LSAMP: variants seen among roughly 807,000 people sequenced by gnomAD.
LSAMP encodes the protein limbic system associated membrane protein, also known as limbic system-associated membrane protein.
A neutral mutation model predicts 38.6 loss-of-function variants in LSAMP; 7 were observed. The ratio of observed to expected loss-of-function variants is 0.18; its 90% CI spans 0.10 to 0.34. The LOEUF (loss-of-function observed/expected upper bound fraction) is 0.34, where lower values mean the gene tolerates loss of function less well. Among genes scored for constraint, LSAMP ranks in the 10% least tolerant of loss-of-function variants. LSAMP has a pLI of 1.00. For missense variants in LSAMP, 313 were observed against 420.0 expected (o/e 0.75, Z 2.23); for synonymous variants, 154 against 166.8 (o/e 0.92, Z 0.59).
At chr3:116,061,807 G>T (rs1941599505) in intron 2 of LSAMP, among the ~76,000 whole-genome samples, 1 of 152,080 alleles carries the variant, frequency 6.6e-6, no homozygotes, top group Non-Finnish European at 1.5e-5. Context: ...CATCTAGGAG[G>T]CAAATAGATA....
At chr3:115,932,574 G>C (rs1256364662) in intron 3 of LSAMP, among the ~76,000 whole-genome samples, 2 of 152,142 alleles carry the variant, frequency 1.3e-5, no homozygotes, top group Non-Finnish European at 2.9e-5. Context: ...TAAAGCTAAA[G>C]CTGAAAAGAT....
chr3:116,125,391 GT>G (rs371091331), intron 1 of LSAMP, among the ~76,000 whole-genome samples: 1,312 of 90,368 alleles, frequency 0.015, 18 homozygotes, highest in African/African-American at 0.051. Context: ...TTCCTTCATT[GT>G]TTTTTTTTTC....
At chr3:115,943,089 G>A (rs1262294628) in intron 3 of LSAMP, among the ~76,000 whole-genome samples, 1 of 152,150 alleles carries the variant, frequency 6.6e-6, no homozygotes, top group African/African-American at 2.4e-5. Context: ...TAAAAGATGA[G>A]CATTTATGAG....
intron 1 of LSAMP, among the ~76,000 whole-genome samples, chr3:116,157,801 A>C (rs938656267): frequency 2.0e-5 from 3 of 152,042 alleles, no homozygotes; most frequent in Non-Finnish European, 2.9e-5. Flanking sequence ...CACCATTCCT[A>C]CTGAAACTAT....
intron 6 of LSAMP, among the ~76,000 whole-genome samples, chr3:115,838,646 C>T (rs149279799): frequency 6.6e-5 from 10 of 152,074 alleles, no homozygotes; most frequent in African/African-American, 1.9e-4. Flanking sequence ...TTGACAAACA[C>T]GGTGCTAGAA....
At chr3:116,319,337 C>T (rs538114504) in intron 1 of LSAMP, among the ~76,000 whole-genome samples, 87 of 152,234 alleles carry the variant, frequency 5.7e-4, no homozygotes, top group African/African-American at 2.0e-3. Context: ...AGTTTCACTA[C>T]GTCAGGCATC....
At chr3:116,269,191 T>C (rs2107667815) in intron 1 of LSAMP, among the ~76,000 whole-genome samples, 1 of 152,226 alleles carries the variant, frequency 6.6e-6, no homozygotes, top group South Asian at 2.1e-4. Flanking sequence ...AGTGAAAGAA[T>C]TTAATAGCAA....
At chr3:116,230,909 C>A (rs2046396090) in intron 1 of LSAMP, among the ~76,000 whole-genome samples, 2 of 152,150 alleles carry the variant, frequency 1.3e-5, no homozygotes, top group African/African-American at 2.4e-5. Flanking sequence ...GAAGGAGGAA[C>A]CTGAGGAAGA....
chr3:116,274,937 C>A (rs1576475616), intron 1 of LSAMP, among the ~76,000 whole-genome samples: 2 of 122,780 alleles, frequency 1.6e-5, no homozygotes, highest in African/African-American at 2.9e-5. Context: ...AGAGGAATAA[C>A]ATCGAGTAAA....
intron 1 of LSAMP, among the ~76,000 whole-genome samples, chr3:116,406,147 G>T (rs551021482): frequency 1.3e-5 from 2 of 151,984 alleles, no homozygotes; most frequent in East Asian, 3.9e-4. Context: ...AAACAACATG[G>T]TATCTGAAAT....
chr3:116,221,844 A>AGT (rs58596077), intron 1 of LSAMP, among the ~76,000 whole-genome samples: 28,949 of 145,252 alleles, frequency 0.2, 2,828 homozygotes, highest in Admixed American at 0.24. Flanking sequence ...CCTAAAAAGA[A>AGT]GTGTGTGTGT....
chr3:116,210,701 G>C (rs765417945), intron 1 of LSAMP, among the ~76,000 whole-genome samples: 7 of 152,202 alleles, frequency 4.6e-5, no homozygotes, highest in Non-Finnish European at 8.8e-5. Context: ...CCTATTAGTT[G>C]TGTCCCTTTA....
intron 6 of LSAMP, among the ~76,000 whole-genome samples, chr3:115,838,317 A>G (rs1371403138): frequency 6.6e-6 from 1 of 152,186 alleles, no homozygotes; most frequent in African/African-American, 2.4e-5. Context: ...TTTAAATCTA[A>G]CTCAACAAGA....
intron 1 of LSAMP, among the ~76,000 whole-genome samples, chr3:116,122,791 C>T (rs939183750): frequency 7.2e-5 from 11 of 152,194 alleles, no homozygotes; most frequent in Non-Finnish European, 1.0e-4. Flanking sequence ...CCTCGATTCT[C>T]TCCCTCTGTT....
At chr3:116,443,006 A>G (rs1254856390) in intron 1 of LSAMP, among the ~76,000 whole-genome samples, 1 of 152,222 alleles carries the variant, frequency 6.6e-6, no homozygotes, top group Admixed American at 6.5e-5. Flanking sequence ...GGTATAGGAG[A>G]TGCTAACTTA....
At chr3:115,919,185 T>G (rs1404592314) in intron 3 of LSAMP, among the ~76,000 whole-genome samples, 7 of 152,174 alleles carry the variant, frequency 4.6e-5, no homozygotes, top group Non-Finnish European at 8.8e-5. Flanking sequence ...ACATTCTAAA[T>G]TTAGCTTCCT....
intron 1 of LSAMP, among the ~76,000 whole-genome samples, chr3:116,377,029 A>C (rs1437401710): frequency 1.3e-5 from 2 of 151,996 alleles, no homozygotes; most frequent in Non-Finnish European, 2.9e-5. Flanking sequence ...CTACCAGTTC[A>C]AATACCATTT....
At chr3:115,928,969 G>GTTTTT (rs1033194537) in intron 3 of LSAMP, among the ~76,000 whole-genome samples, 3 of 53,572 alleles carry the variant, frequency 5.6e-5, no homozygotes, top group Non-Finnish European at 8.2e-5. Context: ...CAGGTTTTTT[G>GTTTTT]TTTGTTTTTT....
rs553067012 is a variant in LSAMP at position 115,806,115 on chromosome 3, C to A, written c.*4202G>T. On this transcript the variant is annotated 3_prime_UTR_variant, in exon 7 of 7. Transcript: ENST00000490035. The stretch of plus-strand genomic sequence containing the variant: ...AAAGAAAAATGAGGACATGGTTAAT[C>A]CCATTAAACATAGTCTATAAGCAAA... 6.6e-6 allele frequency: 1 copy of A among 152,088 alleles called. No homozygotes were observed. Among genetic ancestry groups the A allele is most frequent in the African/African-American group, 2.4e-5 (1 of 41,414 alleles). The allele number at this position is 152,088 out of a possible 1,614,324, so 9.4% of individuals were successfully genotyped here. A position where few individuals can be genotyped will look rare whatever the true frequency, so the allele number is the denominator to read the frequency against.
Sources: gnomAD v4.1 joint callset for allele counts (sites outside exome capture counted in the v4.1 genomes callset) on GRCh38, gnomAD v4.1.1 for gene constraint, MANE v1.5 for transcripts, NCBI Gene and HGNC (gene_info 2026-07-23, HGNC 2026-07-21) for gene names.